Variants in TBCK observed in about 807,000 individuals in gnomAD.
The protein encoded by TBCK is TBC domain-containing protein kinase-like protein.
TBCK carries 99 observed loss-of-function variants against 113.4 expected under a neutral mutation model. That is an observed-to-expected ratio of 0.87 (90% CI 0.74 to 1.03). The LOEUF (loss-of-function observed/expected upper bound fraction) is 1.03. Ranked by LOEUF, TBCK falls within the 50% of genes least tolerant of loss-of-function variation. The pLI, the probability that TBCK is intolerant of heterozygous loss-of-function variation, is 0.00. For synonymous variants in TBCK, 369 were observed against 370.8 expected (o/e 1.00, Z 0.05); for missense variants, 1,045 against 1,061.3 (o/e 0.98, Z 0.21).
chr4:106,073,573 AG>A (rs1055727956), intron 25 of TBCK, among the ~76,000 whole-genome samples: 1 of 152,238 alleles, frequency 6.6e-6, no homozygotes. Context: ...CACGGGTGTC[AG>A]GGACCCACTT....
intron 23 of TBCK, chr4:106,164,436 T>C (rs1312852900): frequency 2.6e-5 from 4 of 151,934 alleles, no homozygotes; most frequent in Non-Finnish European, 4.4e-5. Context: ...TGCAGATGAT[T>C]GCATGAGTAT....
intron 2 of TBCK, among the ~76,000 whole-genome samples, chr4:106,307,708 A>T (rs1026760611): frequency 6.6e-6 from 1 of 152,168 alleles, no homozygotes; most frequent in African/African-American, 2.4e-5. Context: ...AATTAAATAC[A>T]TTTCACTGAA....
At chr4:106,271,988 T>C (rs1168099113) in intron 3 of TBCK, among the ~76,000 whole-genome samples, 3 of 152,146 alleles carry the variant, frequency 2.0e-5, no homozygotes, top group South Asian at 2.1e-4. Context: ...CCCAAGAATT[T>C]ATATTTCTAA....
chr4:106,235,953 C>T (rs962653495), intron 14 of TBCK, among the ~76,000 whole-genome samples: 1 of 151,852 alleles, frequency 6.6e-6, no homozygotes, highest in African/African-American at 2.4e-5. Flanking sequence ...ATGAGAGTTC[C>T]AATATCATTG....
chr4:106,082,566 A>G (rs1242284281), intron 25 of TBCK, among the ~76,000 whole-genome samples: 6 of 152,152 alleles, frequency 3.9e-5, no homozygotes, highest in Non-Finnish European at 5.9e-5. Context: ...AAACCTGTAC[A>G]TGTACCTCTA....
intron 22 of TBCK, among the ~76,000 whole-genome samples, chr4:106,189,703 C>A (rs921918076): frequency 1.3e-5 from 2 of 151,974 alleles, no homozygotes; most frequent in African/African-American, 4.8e-5. Flanking sequence ...TATTTTGGTA[C>A]CTGATGTTAT....
intron 23 of TBCK, among the ~76,000 whole-genome samples, chr4:106,125,572 G>T (rs1745096833): frequency 6.6e-6 from 1 of 152,124 alleles, no homozygotes; most frequent in East Asian, 1.9e-4. Flanking sequence ...GATGGAATTG[G>T]AGGTCATCAT....
chr4:106,205,377 T>A (rs904836273), intron 20 of TBCK, among the ~76,000 whole-genome samples: 1 of 150,726 alleles, frequency 6.6e-6, no homozygotes. Flanking sequence ...CAAGATAGAG[T>A]GATGGATTTT....
At chr4:106,111,830 A>G (rs181054493) in intron 24 of TBCK, among the ~76,000 whole-genome samples, 1 of 152,292 alleles carries the variant, frequency 6.6e-6, no homozygotes, top group Admixed American at 6.5e-5. Flanking sequence ...CATACCTTAA[A>G]TGATGATCAG....
chr4:106,129,470 T>A (rs893049992), intron 23 of TBCK, among the ~76,000 whole-genome samples: 1 of 152,120 alleles, frequency 6.6e-6, no homozygotes, highest in South Asian at 2.1e-4. Context: ...TATAAAGAAA[T>A]GAAATTACAA....
At chr4:106,160,632 G>A (rs1749661577) in intron 23 of TBCK, among the ~76,000 whole-genome samples, 1 of 151,916 alleles carries the variant, frequency 6.6e-6, no homozygotes, top group Non-Finnish European at 1.5e-5. Flanking sequence ...GCAAGTTTGA[G>A]AAGAAACTGA....
intron 19 of TBCK, among the ~76,000 whole-genome samples, chr4:106,222,933 ACTTT>A (rs367908770): frequency 2.6e-4 from 40 of 152,232 alleles, no homozygotes; most frequent in African/African-American, 8.9e-4. Flanking sequence ...TTTGTGAACC[ACTTT>A]CTTTCCTTCT....
chr4:106,147,236 A>C (rs894820466), intron 23 of TBCK, among the ~76,000 whole-genome samples: 4 of 152,200 alleles, frequency 2.6e-5, no homozygotes, highest in Admixed American at 2.0e-4. Context: ...CATGAATCAC[A>C]ACTGTTCTGA....
At chr4:106,230,935 T>A (rs1055770191) in intron 18 of TBCK, among the ~76,000 whole-genome samples, 15 of 151,858 alleles carry the variant, frequency 9.9e-5, no homozygotes, top group African/African-American at 3.6e-4. Flanking sequence ...TAAAAAACTC[T>A]AGTCTAGATT....
chr4:106,192,665 G>A lies in TBCK; in HGVS notation c.2059+944C>T, dbSNP rs185056971. The stretch of plus-strand genomic sequence containing the variant: ...ACAAATGATAAAAAATTTCAACAGA[G>A]AGGCGGTAAAGTACCAAGTACAGAT... On this transcript the variant is annotated intron_variant, in intron 22 of 25. Transcript: ENST00000394708. Among the ~76,000 whole-genome samples, 470 of 152,136 alleles carry A rather than the reference G, an allele frequency of 3.1e-3. 2 individuals carry two copies. The highest frequency in any genetic ancestry group is 0.011 in the African/African-American group (438 of 41,516).
intron 20 of TBCK, among the ~76,000 whole-genome samples, chr4:106,196,834 C>T (rs1299651319): frequency 6.6e-6 from 1 of 152,092 alleles, no homozygotes; most frequent in Non-Finnish European, 1.5e-5. Context: ...ATTACCTTCT[C>T]CCTTTTTGAT....
At chr4:106,046,714 T>G in intron 25 of TBCK, 34 bp from the exon 26 acceptor site, 1 of 1,136,956 alleles carries the variant, frequency 8.8e-7, no homozygotes, top group Non-Finnish European at 1.3e-6. Context: ...TTTTAGAGGA[T>G]ATACAGAAGA....
chr4:106,120,024 T>C (rs28875879), intron 23 of TBCK, among the ~76,000 whole-genome samples: 35,168 of 151,838 alleles, frequency 0.23, 4,138 homozygotes, highest in South Asian at 0.27. Flanking sequence ...ACGCAGAAGA[T>C]GGGTGATTTC....
At chr4:106,271,193 G>C (rs1763437343) in intron 3 of TBCK, among the ~76,000 whole-genome samples, 1 of 152,022 alleles carries the variant, frequency 6.6e-6, no homozygotes, top group Admixed American at 6.6e-5. Flanking sequence ...TCAATACTAT[G>C]ATATAAGGAA....
Sources: gnomAD v4.1 joint callset for allele counts (sites outside exome capture counted in the v4.1 genomes callset) on GRCh38, gnomAD v4.1.1 for gene constraint, MANE v1.5 for transcripts, NCBI Gene and HGNC (gene_info 2026-07-23, HGNC 2026-07-21) for gene names.